Variants in FAM210A observed in about 807,000 individuals in gnomAD.
FAM210A encodes family with sequence similarity 210 member A.
In FAM210A, 13 loss-of-function variants were observed where a neutral mutation model predicts 25.3. The observed-to-expected ratio is 0.51, with a 90% CI of 0.33 to 0.82. The LOEUF is 0.82. FAM210A is among the 40% of genes least tolerant of loss of function. The pLI, the probability that FAM210A is intolerant of heterozygous loss-of-function variation, is 0.02. For synonymous variants in FAM210A, 125 were observed against 118.7 expected (o/e 1.05, Z -0.35); for missense variants, 319 against 323.2 (o/e 0.99, Z 0.10).
chr18:13,694,537 G>C (rs1336136216), intron 1 of FAM210A, among the ~76,000 whole-genome samples: 1 of 152,164 alleles, frequency 6.6e-6, no homozygotes, highest in Non-Finnish European at 1.5e-5. Context: ...CAATGGAACA[G>C]AATAGAGCCC....
At chr18:13,708,216 T>C (rs1455397668) in intron 1 of FAM210A, among the ~76,000 whole-genome samples, 2 of 152,184 alleles carry the variant, frequency 1.3e-5, no homozygotes. Flanking sequence ...ACTGGATTAT[T>C]ATAAAAAATA....
intron 1 of FAM210A, among the ~76,000 whole-genome samples, chr18:13,690,673 C>G (rs2043635948): frequency 6.6e-6 from 1 of 152,226 alleles, no homozygotes; most frequent in South Asian, 2.1e-4. Flanking sequence ...CAAACTCCAA[C>G]AGACCTGCAG....
At chr18:13,688,597 G>A (rs2043617194) in intron 1 of FAM210A, among the ~76,000 whole-genome samples, 1 of 152,196 alleles carries the variant, frequency 6.6e-6, no homozygotes, top group South Asian at 2.1e-4. Flanking sequence ...TTGGGCACTG[G>A]ACAAGAATTC....
chr18:13,680,640 G>A (rs1282658100), intron 2 of FAM210A, among the ~76,000 whole-genome samples: 1 of 152,150 alleles, frequency 6.6e-6, no homozygotes, highest in East Asian at 1.9e-4. Context: ...ACCATATTTT[G>A]TTAATGTCTT....
At chr18:13,683,170 A>T (rs2043569898) in intron 1 of FAM210A, among the ~76,000 whole-genome samples, 1 of 152,258 alleles carries the variant, frequency 6.6e-6, no homozygotes, top group Non-Finnish European at 1.5e-5. Context: ...ACTAATGAGC[A>T]TCATAAATGT....
At chr18:13,717,862 CAG>C (rs2043872948) in intron 1 of FAM210A, among the ~76,000 whole-genome samples, 1 of 152,128 alleles carries the variant, frequency 6.6e-6, no homozygotes, top group Admixed American at 6.5e-5. Flanking sequence ...AGACTGGAGA[CAG>C]AGTTTTCTGC....
rs1238775270 is a variant in FAM210A, at chr18:13,666,442, A to T, written c.*38T>A. The T allele has an allele frequency of 6.5e-7, 1 of 1,537,830 alleles. No individual in the cohort carries two copies. The highest frequency in any genetic ancestry group is 1.1e-5 in the South Asian group (1 of 86,976). ...CTTTGCCCATAGTTTCCAAAGGGTT[A>T]AAGTGCAGGAATTTTCTATACTGCT... On this transcript the variant is annotated 3_prime_UTR_variant, in exon 4 of 4. Coordinates refer to ENST00000651643, the MANE Select transcript of FAM210A (RefSeq NM_152352.4).
intron 1 of FAM210A, among the ~76,000 whole-genome samples, chr18:13,687,508 A>G (rs2043607556): frequency 6.6e-6 from 1 of 152,166 alleles, no homozygotes; most frequent in Admixed American, 6.5e-5. Flanking sequence ...GCATTAAGAG[A>G]CAAAATGGCA....
chr18:13,694,106 G>A (rs1447407961), intron 1 of FAM210A, among the ~76,000 whole-genome samples: 1 of 152,142 alleles, frequency 6.6e-6, no homozygotes, highest in Non-Finnish European at 1.5e-5. Context: ...GCCAAATCAT[G>A]AGTGAACTTC....
At chr18:13,698,413 A>T (rs1260278512) in intron 1 of FAM210A, among the ~76,000 whole-genome samples, 3 of 151,754 alleles carry the variant, frequency 2.0e-5, no homozygotes, top group African/African-American at 7.3e-5. Flanking sequence ...ATATCCTAGG[A>T]TCCTGAGAAT....
chr18:13,690,628 T>C (rs557432046), intron 1 of FAM210A, among the ~76,000 whole-genome samples: 1 of 152,334 alleles, frequency 6.6e-6, no homozygotes, highest in South Asian at 2.1e-4. Flanking sequence ...CTGCTGGTGA[T>C]ACCCAGGCAA....
intron 1 of FAM210A, chr18:13,715,329 C>G (rs760411816): frequency 1.2e-4 from 19 of 152,208 alleles, no homozygotes; most frequent in Non-Finnish European, 2.5e-4. Context: ...CTCCTGGGCT[C>G]AAGTGATCCT....
At chr18:13,699,539 A>T (rs1601959264) in intron 1 of FAM210A, among the ~76,000 whole-genome samples, 1 of 152,186 alleles carries the variant, frequency 6.6e-6, no homozygotes, top group East Asian at 1.9e-4. Flanking sequence ...AAATATTTAT[A>T]TCTTTGTATC....
intron 1 of FAM210A, among the ~76,000 whole-genome samples, chr18:13,723,555 A>C (rs1230358054): frequency 2.0e-5 from 3 of 152,232 alleles, no homozygotes; most frequent in Non-Finnish European, 4.4e-5. Context: ...TGTCTTCTTC[A>C]GGACACTTCA....
At chr18:13,690,977 G>C (rs533361911) in intron 1 of FAM210A, among the ~76,000 whole-genome samples, 2 of 152,094 alleles carry the variant, frequency 1.3e-5, no homozygotes, top group African/African-American at 4.8e-5. Context: ...GAAGATGTTC[G>C]AACCCATCGC....
intron 1 of FAM210A, among the ~76,000 whole-genome samples, chr18:13,690,916 T>TGA (rs1209800690): frequency 6.6e-6 from 1 of 152,132 alleles, no homozygotes; most frequent in Non-Finnish European, 1.5e-5. Flanking sequence ...TTTGACAAGT[T>TGA]GAGAAGAAGG....
In FAM210A at chr18:13,682,021, T is replaced by C. The variant is rs767475426; in HGVS notation, c.57A>G (p.Glu19=). ...GTCCAAAGAGACCAGCATTATGTGG[T>C]TCCAAGCATGTCCTGCGTGCCAGTC... ...VSRLARRTCL[E]PHNAGLFGHC... The change falls in exon 2 of 4, where the codon GAA becomes GAG. Residue 19 remains glutamate, a synonymous_variant. Transcript: ENST00000651643. 1 of 1,613,640 alleles carries C rather than the reference T, an allele frequency of 6.2e-7. No homozygotes were observed. The highest frequency in any genetic ancestry group is 8.5e-7 in the Non-Finnish European group (1 of 1,179,754).
chr18:13,676,854 C>T (rs761065023), intron 2 of FAM210A, among the ~76,000 whole-genome samples: 73 of 152,152 alleles, frequency 4.8e-4, no homozygotes, highest in Non-Finnish European at 9.9e-4. Context: ...TACTTTCGCA[C>T]AGGAAAACGA....
rs2043950852 is a variant in FAM210A at position 13,726,445 on chromosome 18, T to C, written c.-145A>G. On this transcript the variant is annotated 5_prime_UTR_variant, in exon 1 of 4. Coordinates refer to ENST00000651643, the MANE Select transcript of FAM210A (RefSeq NM_152352.4). ...CAGCCCGACAAAGCGTGGGTCCGCG[T>C]GCAGGAACCCGCCGGGCTCAGCCGG... is the stretch of plus-strand genomic sequence containing the variant. 6.6e-6 allele frequency: 1 copy of C among 152,402 alleles called. No individual in the cohort carries two copies. The highest frequency in any genetic ancestry group is 2.0e-4 in the South Asian group (1 of 4,924). The allele number at this position is 152,402 out of a possible 1,614,324, so 9.4% of individuals were successfully genotyped here.
Sources: gnomAD v4.1 joint callset for allele counts (sites outside exome capture counted in the v4.1 genomes callset) on GRCh38, gnomAD v4.1.1 for gene constraint, MANE v1.5 for transcripts, NCBI Gene and HGNC (gene_info 2026-07-23, HGNC 2026-07-21) for gene names.